The following FOLH1 variants were observed in gnomAD, a reference collection of about 807,000 sequenced individuals.
FOLH1 encodes folate hydrolase 1.
Under a neutral mutation model 93.9 loss-of-function variants are expected in FOLH1, and 54 were observed. That is an observed-to-expected ratio of 0.57 (90% CI 0.46 to 0.72). The LOEUF is 0.72. FOLH1 is among the 30% of genes least tolerant of loss of function. FOLH1 has a pLI of 0.00. For synonymous variants in FOLH1, 249 were observed against 303.6 expected (o/e 0.82, Z 1.87); for missense variants, 571 against 892.5 (o/e 0.64, Z 4.59).
chr11:49,190,668 TA>T (rs1861932082), intron 4 of FOLH1, among the ~76,000 whole-genome samples: 1 of 152,182 alleles, frequency 6.6e-6, no homozygotes, highest in South Asian at 2.1e-4. Context: ...CCATCCAGAT[TA>T]TTGTGACAGA....
In FOLH1 at chr11:49,148,515, T is replaced by G. The variant is rs914583611; in HGVS notation, c.2063+124A>C. 1.0e-5 allele frequency: 7 copies of G among 676,470 alleles called. No homozygotes were observed. The African/African-American group carries it at 1.3e-4, about 13-fold the overall frequency. 41.9% of individuals were successfully genotyped at this position (676,470 alleles called of 1,614,324 possible). A position where few individuals can be genotyped will look rare whatever the true frequency, so the allele number is the denominator to read the frequency against. ...CAATACAACTATCACTTACTACATA[T>G]ATTTTGAAATTTTCTATTTGCTTGC... On this transcript the variant is annotated intron_variant, in intron 18 of 18. Coordinates refer to ENST00000256999, the MANE Select transcript of FOLH1 (RefSeq NM_004476.3).
chr11:49,201,071 T>A (rs965493023), intron 2 of FOLH1, among the ~76,000 whole-genome samples: 6 of 151,986 alleles, frequency 3.9e-5, no homozygotes, highest in African/African-American at 1.2e-4. Flanking sequence ...TGGCCAAAAT[T>A]TGGCTACCAG....
chr11:49,172,561 A>G (rs1859463271), intron 10 of FOLH1, among the ~76,000 whole-genome samples: 1 of 152,142 alleles, frequency 6.6e-6, no homozygotes, highest in Non-Finnish European at 1.5e-5. Flanking sequence ...CCTAGTTGCT[A>G]TGACTTCAAA....
intron 13 of FOLH1, among the ~76,000 whole-genome samples, chr11:49,161,896 C>T (rs937668014): frequency 3.3e-5 from 5 of 152,134 alleles, no homozygotes; most frequent in Admixed American, 6.6e-5. Flanking sequence ...TTAATGTGGT[C>T]GGATATGAAA....
intron 2 of FOLH1, among the ~76,000 whole-genome samples, chr11:49,204,089 C>G (rs1361592195): frequency 6.6e-6 from 1 of 152,186 alleles, no homozygotes; most frequent in African/African-American, 2.4e-5. Context: ...GTGTATACTT[C>G]CCTAAACACA....
Position 49,185,705 on chromosome 11 carries a change from C to A in FOLH1, c.790G>T (p.Ala264Ser). The A allele has an allele frequency of 1.9e-6, 3 of 1,613,816 alleles. No homozygotes were observed. The highest frequency in any genetic ancestry group is 2.5e-6 in the Non-Finnish European group (3 of 1,179,820). Reference protein sequence around the residue: ...QRGNILNLNGAGDPLTPGYPA... With the variant: ...QRGNILNLNGSGDPLTPGYPA... ...TAACCTGGTGTGAGAGGGTCTCCTG[C>A]ACCATTCAGATTTAGGATATTTCCA... The change falls in exon 6 of 19, where the codon GCA becomes TCA. Residue 264 changes from alanine (A) to serine (S), a missense_variant. Around this residue, in one of 2 missense-constraint regions of FOLH1, gnomAD observed 500 missense variants for 822.9 expected, o/e 0.61. Transcript: ENST00000256999.
intron 3 of FOLH1, among the ~76,000 whole-genome samples, chr11:49,198,980 C>T (rs1432572440): frequency 6.6e-6 from 1 of 151,872 alleles, no homozygotes; most frequent in African/African-American, 2.4e-5. Flanking sequence ...ATGAAAAGCT[C>T]CAATCACATT....
chr11:49,173,691 C>T (rs879278296), intron 9 of FOLH1, among the ~76,000 whole-genome samples: 5 of 151,834 alleles, frequency 3.3e-5, no homozygotes, highest in Non-Finnish European at 7.4e-5. Flanking sequence ...ATATATATTT[C>T]AATGTATTAC....
intron 3 of FOLH1, among the ~76,000 whole-genome samples, chr11:49,198,567 C>T (rs1033702041): frequency 2.0e-5 from 3 of 146,956 alleles, no homozygotes; most frequent in Admixed American, 6.8e-5. Flanking sequence ...TTTGATAGAT[C>T]AAAGAGACGT....
intron 4 of FOLH1, among the ~76,000 whole-genome samples, chr11:49,187,042 C>CCCA (rs775249998): frequency 1.3e-5 from 2 of 150,970 alleles, no homozygotes; most frequent in Non-Finnish European, 3.0e-5. Flanking sequence ...AGCACCCCCC[C>CCCA]CACACACACA....
intron 6 of FOLH1, chr11:49,185,453 T>A: frequency 1.7e-6 from 1 of 583,954 alleles, no homozygotes; most frequent in South Asian, 2.2e-5. Flanking sequence ...TTTAAATAGC[T>A]GAATAAGTCT....
rs1382900829 is a variant in FOLH1 at position 49,186,642 on chromosome 11, A to G, written c.639+2T>C. The G allele has an allele frequency of 6.2e-7, 1 of 1,611,740 alleles. No individual in the cohort carries two copies. Among genetic ancestry groups the G allele is most frequent in the African/African-American group, 1.3e-5 (1 of 74,836 alleles). The stretch of plus-strand genomic sequence containing the variant: ...GAAAAAAAGAGATAATTTTTACCTT[A>G]CCTTATTTCCTCTGAAAACTTTCCC... On this transcript the variant is annotated splice_donor_variant, in intron 5 of 18. Coordinates refer to ENST00000256999, the MANE Select transcript of FOLH1 (RefSeq NM_004476.3). LOFTEE classifies it high-confidence loss of function.
intron 9 of FOLH1, among the ~76,000 whole-genome samples, chr11:49,173,758 C>G (rs1219072290): frequency 1.4e-5 from 1 of 72,478 alleles, no homozygotes; most frequent in Non-Finnish European, 2.7e-5. Flanking sequence ...TCCTTGTTCA[C>G]ATTTTTTGTA....
chr11:49,203,758 T>G (rs1590704245), intron 2 of FOLH1, among the ~76,000 whole-genome samples: 1 of 152,216 alleles, frequency 6.6e-6, no homozygotes, highest in Non-Finnish European at 1.5e-5. Flanking sequence ...TTTTCTTCTT[T>G]GTTGGTCAAT....
intron 17 of FOLH1, among the ~76,000 whole-genome samples, chr11:49,151,535 T>A (rs1268301764): frequency 1.3e-5 from 2 of 152,236 alleles, no homozygotes; most frequent in Non-Finnish European, 2.9e-5. Flanking sequence ...TCATGTCTCT[T>A]CCTTAGATTT....
At chr11:49,193,183 A>G (rs1590657812) in intron 3 of FOLH1, among the ~76,000 whole-genome samples, 3 of 152,342 alleles carry the variant, frequency 2.0e-5, no homozygotes, top group South Asian at 2.1e-4. Flanking sequence ...CAACAATCAT[A>G]AAATAAGTAA....
chr11:49,169,925 G>GA (rs1441836985), intron 11 of FOLH1, among the ~76,000 whole-genome samples: 4 of 151,868 alleles, frequency 2.6e-5, no homozygotes, highest in Non-Finnish European at 4.4e-5. Context: ...AACTGTAAGT[G>GA]AAAAAAATAA....
intron 2 of FOLH1, among the ~76,000 whole-genome samples, chr11:49,203,449 G>T (rs1450120094): frequency 2.0e-5 from 3 of 152,178 alleles, no homozygotes; most frequent in Non-Finnish European, 4.4e-5. Context: ...ATTTTAAAGG[G>T]GGACCAGATG....
intron 4 of FOLH1, among the ~76,000 whole-genome samples, chr11:49,192,093 T>G (rs1862118396): frequency 6.6e-6 from 1 of 152,190 alleles, no homozygotes; most frequent in Non-Finnish European, 1.5e-5. Context: ...TTTATATTTT[T>G]TTAGCTATTT....
Sources: allele counts gnomAD v4.1 joint callset (sites outside exome capture counted in the v4.1 genomes callset), GRCh38; gene constraint gnomAD v4.1.1; regional missense constraint gnomAD v4.1.1; transcripts MANE v1.5; gene names NCBI Gene and HGNC (gene_info 2026-07-23, HGNC 2026-07-21).